LRIT3: variants seen among roughly 807,000 people sequenced by gnomAD.
The protein encoded by LRIT3 is leucine rich repeat, Ig-like and transmembrane domains 3.
In LRIT3, 14 loss-of-function variants were observed where a neutral mutation model predicts 22.6. That is an observed-to-expected ratio of 0.62 (90% CI 0.41 to 0.97). The LOEUF (loss-of-function observed/expected upper bound fraction) is 0.97, where lower values mean the gene tolerates loss of function less well. LRIT3 is among the 50% of genes least tolerant of loss of function. LRIT3 has a pLI of 0.00. For synonymous variants in LRIT3, 306 were observed against 304.5 expected (o/e 1.01, Z -0.05); for missense variants, 783 against 803.0 (o/e 0.98, Z 0.30).
intron 2 of LRIT3, among the ~76,000 whole-genome samples, chr4:109,861,214 A>T (rs959977964): frequency 2.6e-5 from 4 of 152,084 alleles, no homozygotes; most frequent in Admixed American, 1.3e-4. Flanking sequence ...ACTAAAAAAT[A>T]CAAAAATTAG....
intron 3 of LRIT3, among the ~76,000 whole-genome samples, chr4:109,868,905 T>C (rs375364635): frequency 6.6e-6 from 1 of 152,150 alleles, no homozygotes; most frequent in African/African-American, 2.4e-5. Flanking sequence ...AGTTAAGTTT[T>C]GGGCTACTGG....
chr4:109,854,895 C>G (rs1197513214), intron 2 of LRIT3, among the ~76,000 whole-genome samples: 2 of 152,150 alleles, frequency 1.3e-5, no homozygotes, highest in East Asian at 3.9e-4. Context: ...ATATGTTGAA[C>G]AAGCGTTGCA....
intron 2 of LRIT3, among the ~76,000 whole-genome samples, chr4:109,861,625 C>T (rs1734548439): frequency 6.6e-6 from 1 of 152,046 alleles, no homozygotes; most frequent in South Asian, 2.1e-4. Flanking sequence ...TGTATATCTT[C>T]CTTTATGAAC....
intron 2 of LRIT3, among the ~76,000 whole-genome samples, chr4:109,866,196 G>A (rs1392778918): frequency 6.6e-6 from 1 of 151,502 alleles, no homozygotes; most frequent in Non-Finnish European, 1.5e-5. Flanking sequence ...AGCATGGTTA[G>A]AATTTGTAAA....
Position 109,867,856 on chromosome 4 carries a change from A to G in LRIT3, c.805A>G (p.Ser269Gly), listed in dbSNP as rs1179634492. 6.2e-7 allele frequency: 1 copy of G among 1,614,080 alleles called. No homozygotes were observed. Among genetic ancestry groups the G allele is most frequent in the East Asian group, 2.2e-5 (1 of 44,892 alleles). The change falls in exon 3 of 4, where the codon AGT becomes GGT. Residue 269 changes from serine (S) to glycine (G), a missense_variant. Ser to Gly is a moderately conservative substitution (Grantham distance 56). Coordinates refer to ENST00000594814, the MANE Select transcript of LRIT3 (RefSeq NM_198506.5). Reference sequence around the variant, plus strand: ...CACCAAAATCATGTCTGCTCTGGGCAGTAATGTTCTACTGCGGTGTGATGC... The same window carrying G: ...CACCAAAATCATGTCTGCTCTGGGCGGTAATGTTCTACTGCGGTGTGATGC... Reference protein sequence around the residue: ...SATKIMSALGSNVLLRCDATG... With the variant: ...SATKIMSALGGNVLLRCDATG...
At chr4:109,860,425 A>G (rs1490016106) in intron 2 of LRIT3, among the ~76,000 whole-genome samples, 1 of 152,208 alleles carries the variant, frequency 6.6e-6, no homozygotes, top group African/African-American at 2.4e-5. Context: ...ACAAATCCAC[A>G]TAGGTAAGGT....
chr4:109,867,814 T>C lies in LRIT3; in HGVS notation c.763T>C (p.Ser255Pro). ...RAELEHCLKP[S>P]VMTSATKIMS... is the part of the protein sequence containing the mutation. ...TGAATTGGAGCATTGTCTGAAACCA[T>C]CAGTGATGACCTCAGCCACCAAAAT... Residue 255 changes from serine (S) to proline (P), a missense_variant, in exon 3 of 4, where the codon TCA (serine) becomes CCA (proline). Physicochemically the swap from Ser to Pro is moderately conservative, Grantham distance 74. Around this residue, in one of 2 missense-constraint regions of LRIT3, gnomAD observed 756 missense variants for 753.8 expected, o/e 1.00. Transcript: ENST00000594814. 1 of 1,614,168 alleles carries C rather than the reference T, an allele frequency of 6.2e-7. No individual in the cohort carries two copies. The highest frequency in any genetic ancestry group is 8.5e-7 in the Non-Finnish European group (1 of 1,180,018).
chr4:109,867,411 G>A (rs937095789), intron 2 of LRIT3, among the ~76,000 whole-genome samples: 1 of 152,116 alleles, frequency 6.6e-6, no homozygotes, highest in Admixed American at 6.5e-5. Flanking sequence ...CAGAGTGAAT[G>A]CTCAATAAGT....
chr4:109,861,825 G>A (rs549698739), intron 2 of LRIT3, among the ~76,000 whole-genome samples: 2 of 152,204 alleles, frequency 1.3e-5, no homozygotes, highest in South Asian at 2.1e-4. Context: ...TTTACAGTTA[G>A]TGCTTTCTGT....
Position 109,870,468 on chromosome 4 carries a change from A to T in LRIT3, c.1719A>T (p.Arg573Ser). 1 of 1,614,216 alleles carries T rather than the reference A, an allele frequency of 6.2e-7. No homozygotes were observed. Among genetic ancestry groups the T allele is most frequent in the South Asian group, 1.1e-5 (1 of 91,086 alleles). ...AATGCATCACCTTTTCTACTGAAAGAGTTGAAGGAGATGATTCTCAATGGT... is the reference window on the plus strand; with the variant it reads ...AATGCATCACCTTTTCTACTGAAAGTGTTGAAGGAGATGATTCTCAATGGT... Reference protein sequence around the residue: ...KDQCITFSTERVEGDDSQWSL... With the variant: ...KDQCITFSTESVEGDDSQWSL... The change falls in exon 4 of 4, where the codon AGA becomes AGT. Residue 573 changes from arginine (R) to serine (S), a missense_variant. Physicochemically the swap from Arg to Ser is moderately radical, Grantham distance 110. Coordinates refer to ENST00000594814, the MANE Select transcript of LRIT3 (RefSeq NM_198506.5).
At chr4:109,855,204 G>T (rs1035607817) in intron 2 of LRIT3, among the ~76,000 whole-genome samples, 2 of 152,074 alleles carry the variant, frequency 1.3e-5, no homozygotes, top group Non-Finnish European at 2.9e-5. Flanking sequence ...TTTAATTACT[G>T]CCTCAATTTC....
chr4:109,848,648 A>G (rs1458760754), intron 1 of LRIT3, among the ~76,000 whole-genome samples: 3 of 152,212 alleles, frequency 2.0e-5, no homozygotes, highest in Non-Finnish European at 4.4e-5. Context: ...GCCCTTGATT[A>G]TAGAAAGGCT....
At chr4:109,854,781 A>G (rs1734360387) in intron 2 of LRIT3, among the ~76,000 whole-genome samples, 1 of 152,134 alleles carries the variant, frequency 6.6e-6, no homozygotes, top group Non-Finnish European at 1.5e-5. Flanking sequence ...TTAGCATGAA[A>G]GGGTGTTGAA....
intron 2 of LRIT3, among the ~76,000 whole-genome samples, chr4:109,864,013 A>G (rs1734617602): frequency 6.6e-6 from 1 of 152,214 alleles, no homozygotes; most frequent in African/African-American, 2.4e-5. Context: ...TTTTCAAACT[A>G]TGAAATAGTC....
Position 109,870,510 on chromosome 4 carries a change from GA to G in LRIT3, c.1762del (p.Thr588ProfsTer11), listed in dbSNP as rs767659988. 16 of 1,614,080 alleles carry G rather than the reference GA, an allele frequency of 9.9e-6. No individual in the cohort carries two copies. The highest frequency in any genetic ancestry group is 1.3e-5 in the Non-Finnish European group (15 of 1,180,044). ...CTCAATGGTCTCTCCTTCTCGTGGT[GA>G]CCAGTACTGCCTGTGTTGTTATCTT... ...DSQWSLLLVVTSTACVVILPL... is the reference protein window; with the variant it reads ...DSQWSLLLVVXSTACVVILPL... On this transcript the variant is annotated frameshift_variant, in exon 4 of 4. Transcript: ENST00000594814. LOFTEE classifies it high-confidence loss of function.
Position 109,870,308 on chromosome 4 carries a change from C to T in LRIT3, c.1559C>T (p.Ser520Phe). ...AACTCTGCAGTGACTGTGTTGTATT[C>T]CAAGTATGGTGGGAAGGACCTGCTG... Reference protein sequence around the residue: ...THNSAVTVLYSKYGGKDLLLL... With the variant: ...THNSAVTVLYFKYGGKDLLLL... Residue 520 changes from serine (S) to phenylalanine (F), a missense_variant, in exon 4 of 4, where the codon TCC (serine) becomes TTC (phenylalanine). By Grantham distance (155) the Ser-to-Phe change is radical. Around this residue, in one of 2 missense-constraint regions of LRIT3, gnomAD observed 756 missense variants for 753.8 expected, o/e 1.00. Coordinates refer to ENST00000594814, the MANE Select transcript of LRIT3 (RefSeq NM_198506.5). 3 of 1,614,118 alleles carry T rather than the reference C, an allele frequency of 1.9e-6. No homozygotes were observed. Among genetic ancestry groups the T allele is most frequent in the Non-Finnish European group, 2.5e-6 (3 of 1,180,026 alleles).
intron 2 of LRIT3, among the ~76,000 whole-genome samples, chr4:109,865,875 T>C (rs1734665894): frequency 6.6e-6 from 1 of 152,152 alleles, no homozygotes; most frequent in African/African-American, 2.4e-5. Context: ...CCACACTTAA[T>C]CATAGCAATA....
At chr4:109,863,892 G>A (rs1268577790) in intron 2 of LRIT3, among the ~76,000 whole-genome samples, 1 of 152,184 alleles carries the variant, frequency 6.6e-6, no homozygotes. Flanking sequence ...AAATCTCAGA[G>A]CCTCTGCAGT....
chr4:109,868,295 G>A lies in LRIT3; in HGVS notation c.895+349G>A, dbSNP rs370356518. ...TTAAAAAGGGCCTTTTGCTGGTTGG[G>A]TGCGGTGGCTCACACCTGTAATCCC... On this transcript the variant is annotated intron_variant, in intron 3 of 3. Transcript: ENST00000594814. 3.3e-5 allele frequency among the ~76,000 whole-genome samples: 5 copies of A among 152,180 alleles called. No homozygotes were observed. The East Asian group carries it at 5.8e-4, about 18-fold the overall frequency.
Sources: allele counts gnomAD v4.1 joint callset (sites outside exome capture counted in the v4.1 genomes callset), GRCh38; gene constraint gnomAD v4.1.1; regional missense constraint gnomAD v4.1.1; transcripts MANE v1.5; gene names NCBI Gene and HGNC (gene_info 2026-07-23, HGNC 2026-07-21).